KIFC3: variants seen among roughly 807,000 people sequenced by gnomAD.
KIFC3 encodes kinesin-like protein KIFC3.
Under a neutral mutation model 101.8 loss-of-function variants are expected in KIFC3, and 60 were observed. The ratio of observed to expected loss-of-function variants is 0.59; its 90% CI spans 0.48 to 0.73. The LOEUF (loss-of-function observed/expected upper bound fraction) is 0.73. Among genes scored for constraint, KIFC3 ranks in the 30% least tolerant of loss-of-function variants. The pLI, the probability that KIFC3 is intolerant of heterozygous loss-of-function variation, is 0.00. For missense variants in KIFC3, 966 were observed against 1,137.1 expected, an observed-to-expected ratio of 0.85 and a Z score of 2.16; for synonymous variants, 476 against 482.7, an observed-to-expected ratio of 0.99 and a Z score of 0.18.
At chr16:57,840,465 A>C (rs533872035) in intron 1 of KIFC3, among the ~76,000 whole-genome samples, 1 of 151,952 alleles carries the variant, frequency 6.6e-6, no homozygotes, top group Non-Finnish European at 1.5e-5. Context: ...GTCTGTAAAA[A>C]AATAAAAGTT....
intron 1 of KIFC3, 105 bp from the exon 2 acceptor site, chr16:57,798,387 G>A: frequency 9.6e-7 from 1 of 1,044,772 alleles, no homozygotes; most frequent in Non-Finnish European, 1.4e-6. Flanking sequence ...ACCGGTCGCT[G>A]GTTACCCAGC....
chr16:57,851,883 G>T (rs942587069), intron 1 of KIFC3, among the ~76,000 whole-genome samples: 3 of 152,122 alleles, frequency 2.0e-5, no homozygotes, highest in Non-Finnish European at 4.4e-5. Flanking sequence ...GGGATTACAG[G>T]CATGTACCAC....
chr16:57,811,154 T>C (rs2055062626), intron 1 of KIFC3, among the ~76,000 whole-genome samples: 1 of 152,206 alleles, frequency 6.6e-6, no homozygotes, highest in Non-Finnish European at 1.5e-5. Context: ...TCACAGTTGC[T>C]TCTCCAAGGA....
intron 1 of KIFC3, among the ~76,000 whole-genome samples, chr16:57,858,594 T>C (rs962822371): frequency 6.6e-6 from 1 of 152,148 alleles, no homozygotes; most frequent in Non-Finnish European, 1.5e-5. Flanking sequence ...TTTCTATATC[T>C]CACCAATTCA....
Position 57,780,520 on chromosome 16 carries a change from A to T in KIFC3, c.316-8232T>A, listed in dbSNP as rs1027963956. Among the ~76,000 whole-genome samples the T allele has an allele frequency of 8.6e-5, 13 of 150,862 alleles. No individual in the cohort carries two copies. In the South Asian group the frequency reaches 1.5e-3, roughly 17 times the overall value. The stretch of plus-strand genomic sequence containing the variant: ...AGCAAGATTCTCTCTCAAGAAAAAA[A>T]ATATATATATATGCTTAAGATGGTA... On this transcript the variant is annotated intron_variant, in intron 3 of 19. Transcript: ENST00000445690.
chr16:57,795,877 C>CTTTTTTTTTTTT (rs1568047538), intron 2 of KIFC3, among the ~76,000 whole-genome samples: 1 of 81,098 alleles, frequency 1.2e-5, no homozygotes, highest in African/African-American at 3.6e-5. Flanking sequence ...TTTTTTTGGG[C>CTTTTTTTTTTTT]TTTTTTGTTT....
chr16:57,841,285 G>C (rs1301858145), intron 1 of KIFC3, among the ~76,000 whole-genome samples: 2 of 152,170 alleles, frequency 1.3e-5, no homozygotes, highest in African/African-American at 4.8e-5. Context: ...CCACTGAAAG[G>C]GGCATCTGAG....
At chr16:57,813,079 A>G (rs780933401) in intron 1 of KIFC3, among the ~76,000 whole-genome samples, 2 of 152,106 alleles carry the variant, frequency 1.3e-5, no homozygotes, top group Non-Finnish European at 2.9e-5. Flanking sequence ...TTTAATCCCA[A>G]CACTTTGGGA....
At chr16:57,821,600 C>A (rs945828141) in intron 1 of KIFC3, among the ~76,000 whole-genome samples, 1 of 152,136 alleles carries the variant, frequency 6.6e-6, no homozygotes, top group Non-Finnish European at 1.5e-5. Context: ...GACTAATTGC[C>A]CCCCGCTGTT....
intron 3 of KIFC3, among the ~76,000 whole-genome samples, chr16:57,783,472 CTTTT>C (rs146386887): frequency 1.2e-5 from 1 of 82,624 alleles, no homozygotes; most frequent in Non-Finnish European, 3.0e-5. Flanking sequence ...ATTTTCTTTT[CTTTT>C]TTTTTTTTTT....
chr16:57,782,769 C>A (rs2052873358), intron 3 of KIFC3, among the ~76,000 whole-genome samples: 1 of 152,178 alleles, frequency 6.6e-6, no homozygotes, highest in Non-Finnish European at 1.5e-5. Flanking sequence ...CATGGTGAAA[C>A]CCCGTCTCTA....
At chr16:57,847,647 G>A (rs1273300668) in intron 1 of KIFC3, among the ~76,000 whole-genome samples, 3 of 152,050 alleles carry the variant, frequency 2.0e-5, no homozygotes, top group Admixed American at 6.6e-5. Flanking sequence ...GGGGAGTCCT[G>A]AAAGAGATTT....
chr16:57,846,562 T>C (rs1475765598), intron 1 of KIFC3: 10 of 152,258 alleles, frequency 6.6e-5, no homozygotes, highest in African/African-American at 2.2e-4. Context: ...CAAATTCTCA[T>C]GTCAAACCCT....
intron 1 of KIFC3, among the ~76,000 whole-genome samples, chr16:57,812,293 C>T (rs1226425155): frequency 2.0e-5 from 3 of 151,172 alleles, no homozygotes; most frequent in Non-Finnish European, 4.4e-5. Context: ...CTGCCCGCCT[C>T]AGCCTCCCAA....
At chr16:57,789,938 C>T (rs1052462184) in intron 3 of KIFC3, among the ~76,000 whole-genome samples, 6 of 151,762 alleles carry the variant, frequency 4.0e-5, no homozygotes, top group Non-Finnish European at 8.8e-5. Context: ...GGTTTCACCA[C>T]GTTGGCCAGG....
At chr16:57,858,148 G>A (rs532499394) in intron 1 of KIFC3, among the ~76,000 whole-genome samples, 5 of 152,098 alleles carry the variant, frequency 3.3e-5, no homozygotes, top group African/African-American at 1.2e-4. Flanking sequence ...ATCATTGATG[G>A]GCATTTGGGT....
At chr16:57,780,667 A>ATTTT (rs1191334568) in intron 3 of KIFC3, among the ~76,000 whole-genome samples, 40 of 69,954 alleles carry the variant, frequency 5.7e-4, no homozygotes, top group African/African-American at 9.6e-4. Context: ...CTGAAGACAA[A>ATTTT]TTTTTTTTTT....
At position 57,861,018 on chromosome 16, in the gene KIFC3, GC is replaced by G. The variant is rs150345237; in HGVS notation, c.108+1710del. Among the ~76,000 whole-genome samples the G allele has an allele frequency of 4.8e-3, 732 of 152,128 alleles. 21 individuals are homozygous for G. Among genetic ancestry groups the G allele is most frequent in the South Asian group, 0.037 (176 of 4,814 alleles). Reference sequence around the variant, plus strand: ...TGAGCCACCATGCCTGGCCAAGAATGCCTCACCTTAAACATAGTGCTTGCTT... The same window carrying G: ...TGAGCCACCATGCCTGGCCAAGAATGCTCACCTTAAACATAGTGCTTGCTT... On this transcript the variant is annotated intron_variant, in intron 1 of 2. Transcript: ENST00000563028.
chr16:57,832,321 CTTTTTTTTTTT>C (rs1165977084), intron 1 of KIFC3, among the ~76,000 whole-genome samples: 11 of 73,492 alleles, frequency 1.5e-4, no homozygotes, highest in Middle Eastern at 0.01. Context: ...GCGCCAGGCC[CTTTTTTTTTTT>C]TTTTTTTTTT....
Sources: gnomAD v4.1 joint callset for allele counts (sites outside exome capture counted in the v4.1 genomes callset) on GRCh38, gnomAD v4.1.1 for gene constraint, MANE v1.5 for transcripts, NCBI Gene and HGNC (gene_info 2026-07-23, HGNC 2026-07-21) for gene names.